Variants in SPPL2A observed in about 807,000 individuals in gnomAD.
SPPL2A encodes signal peptide peptidase-like 2A.
Under a neutral mutation model 63.8 loss-of-function variants are expected in SPPL2A, and 51 were observed. That is an observed-to-expected ratio of 0.80 (90% CI 0.64 to 1.01). SPPL2A has a LOEUF of 1.01. Among genes scored for constraint, SPPL2A ranks in the 50% least tolerant of loss-of-function variants. The pLI is 0.00. For synonymous variants in SPPL2A, 188 were observed against 205.8 expected (o/e 0.91, Z 0.74); for missense variants, 553 against 622.7 (o/e 0.89, Z 1.19).
rs201062211 is a variant in SPPL2A, at chr15:50,707,878, G to C, written c.1489-4C>G. 1.3e-6 allele frequency: 2 copies of C among 1,556,754 alleles called. No individual in the cohort carries two copies. Among genetic ancestry groups the C allele is most frequent in the East Asian group, 4.5e-5 (2 of 44,574 alleles). ...CACAATCCAAATGGTCCATCATCTA[G>C]GCATAAATAAAAGACGTTAGGAAAT... On this transcript the variant is annotated splice_polypyrimidine_tract_variant and splice_region_variant and intron_variant, in intron 14 of 14. Transcript: ENST00000261854.
intron 10 of SPPL2A, among the ~76,000 whole-genome samples, chr15:50,730,566 C>T (rs548997163): frequency 6.6e-6 from 1 of 152,076 alleles, no homozygotes; most frequent in Non-Finnish European, 1.5e-5. Flanking sequence ...GGCTAAGTAA[C>T]TTGCCTATGG....
At chr15:50,762,419 T>C (rs1299977891) in intron 1 of SPPL2A, among the ~76,000 whole-genome samples, 1 of 150,740 alleles carries the variant, frequency 6.6e-6, no homozygotes, top group African/African-American at 2.4e-5. Flanking sequence ...TATGGCAAGG[T>C]CAAGACACAG....
chr15:50,705,150 GA>G lies in SPPL2A; in HGVS notation c.*2649del, dbSNP rs2062498858. 6.6e-6 allele frequency: 1 copy of G among 152,170 alleles called. No individual in the cohort carries two copies. The highest frequency in any genetic ancestry group is 1.5e-5 in the Non-Finnish European group (1 of 68,056). 9.4% of individuals were successfully genotyped at this position (152,170 alleles called of 1,614,324 possible). A position where few individuals can be genotyped will look rare whatever the true frequency, so the allele number is the denominator to read the frequency against. ...GAGGTCAGGAGCTCAAGACCAGCCT[GA>G]CCAACAAGGTGAAACCCCGTCTCTA... On this transcript the variant is annotated 3_prime_UTR_variant, in exon 15 of 15. Transcript: ENST00000261854.
chr15:50,724,791 C>T (rs1392409459), intron 12 of SPPL2A, among the ~76,000 whole-genome samples: 5 of 152,184 alleles, frequency 3.3e-5, no homozygotes, highest in African/African-American at 4.8e-5. Flanking sequence ...ATTACGCAGT[C>T]CTACAAGCTG....
chr15:50,737,408 T>C (rs1043226440), intron 6 of SPPL2A, among the ~76,000 whole-genome samples: 3 of 152,202 alleles, frequency 2.0e-5, no homozygotes, highest in Non-Finnish European at 2.9e-5. Flanking sequence ...AATATCATTT[T>C]AGTACTCGCT....
intron 11 of SPPL2A, chr15:50,726,011 G>T: frequency 9.2e-7 from 1 of 1,087,446 alleles, no homozygotes; most frequent in Non-Finnish European, 1.2e-6. Context: ...CCCCAAAGAA[G>T]AGTCTTGTCT....
At chr15:50,759,596 A>G (rs1413157181) in intron 1 of SPPL2A, among the ~76,000 whole-genome samples, 2 of 152,126 alleles carry the variant, frequency 1.3e-5, no homozygotes, top group Non-Finnish European at 2.9e-5. Flanking sequence ...ATAAAAAATT[A>G]GCCGGGCATG....
At chr15:50,754,226 A>C (rs1183298327) in intron 1 of SPPL2A, among the ~76,000 whole-genome samples, 2 of 152,140 alleles carry the variant, frequency 1.3e-5, no homozygotes, top group South Asian at 2.1e-4. Context: ...TCAATATCCC[A>C]CAGCAGAGTG....
chr15:50,728,007 C>T (rs1345149777), intron 10 of SPPL2A, among the ~76,000 whole-genome samples: 1 of 152,178 alleles, frequency 6.6e-6, no homozygotes, highest in Non-Finnish European at 1.5e-5. Context: ...GGCTAAAAGA[C>T]ACCTTTATTT....
At chr15:50,724,053 A>G (rs1278413610) in intron 12 of SPPL2A, among the ~76,000 whole-genome samples, 1 of 152,234 alleles carries the variant, frequency 6.6e-6, no homozygotes, top group Non-Finnish European at 1.5e-5. Context: ...AAAATCAGGC[A>G]TAAGTTTAAT....
intron 1 of SPPL2A, among the ~76,000 whole-genome samples, chr15:50,764,903 AC>A (rs982617797): frequency 8.4e-5 from 11 of 130,894 alleles, no homozygotes; most frequent in African/African-American, 3.3e-4. Flanking sequence ...TGCTATTAAA[AC>A]CCCCCCTCCA....
chr15:50,735,642 C>A (rs1350442055), intron 8 of SPPL2A, among the ~76,000 whole-genome samples: 1 of 152,026 alleles, frequency 6.6e-6, no homozygotes, highest in Admixed American at 6.6e-5. Flanking sequence ...TCACTGCAAC[C>A]TCCGCTCACT....
chr15:50,731,024 G>GC lies in SPPL2A; in HGVS notation c.1029_1030insG (p.Leu344AlafsTer8), dbSNP rs1404268486. 1 of 1,481,314 alleles carries GC rather than the reference G, an allele frequency of 6.8e-7. No homozygotes were observed. The highest frequency in any genetic ancestry group is 9.4e-7 in the Non-Finnish European group (1 of 1,062,330). The allele number at this position is 1,481,314 out of a possible 1,614,324, so 91.8% of individuals were successfully genotyped here. ...ACATCATAGAGGAGGAGAAGGCCTAGAAGTATCACACATGACTGTCAAAGA... is the reference window on the plus strand; with the variant it reads ...ACATCATAGAGGAGGAGAAGGCCTAGCAAGTATCACACATGACTGTCAAAGA... On this transcript the variant is annotated frameshift_variant, in exon 10 of 15. Transcript: ENST00000261854. LOFTEE classifies it high-confidence loss of function.
intron 6 of SPPL2A, among the ~76,000 whole-genome samples, chr15:50,739,170 C>CTTTTTTT (rs71127136): frequency 3.7e-5 from 4 of 106,936 alleles, no homozygotes; most frequent in Non-Finnish European, 5.8e-5. Context: ...ACATAACGTA[C>CTTTTTTT]TTTTTTTTTT....
intron 1 of SPPL2A, among the ~76,000 whole-genome samples, chr15:50,750,107 T>C (rs568807284): frequency 3.3e-5 from 5 of 152,218 alleles, no homozygotes; most frequent in Non-Finnish European, 7.3e-5. Flanking sequence ...TCATTGTTTA[T>C]ATTATTTTCT....
In SPPL2A at chr15:50,703,356, A is replaced by ATATTTTTTTT. The variant is rs1196710672; in HGVS notation, c.*4443_*4444insAAAAAAAATA. 1.1e-4 allele frequency: 7 copies of ATATTTTTTTT among 62,042 alleles called. No homozygotes were observed. Among genetic ancestry groups the ATATTTTTTTT allele is most frequent in the East Asian group, 5.2e-4 (1 of 1,916 alleles). The allele number at this position is 62,042 out of a possible 1,614,324, so 3.8% of individuals were successfully genotyped here. ...TATATATATATATATACATATATAT[A>ATATTTTTTTT]TTTTTTTTTTTTTTTTTTTTTTTTG... On this transcript the variant is annotated 3_prime_UTR_variant, in exon 15 of 15. Coordinates refer to ENST00000261854, the MANE Select transcript of SPPL2A (RefSeq NM_032802.4).
At chr15:50,763,182 GGTAGAAGAC>G (rs1323230194) in intron 1 of SPPL2A, among the ~76,000 whole-genome samples, 1 of 152,078 alleles carries the variant, frequency 6.6e-6, no homozygotes, top group Non-Finnish European at 1.5e-5. Context: ...GGGAGAAAAT[GGTAGAAGAC>G]TTCAGACAGA....
chr15:50,748,441 T>G (rs1228749716), intron 3 of SPPL2A, among the ~76,000 whole-genome samples: 2 of 151,616 alleles, frequency 1.3e-5, no homozygotes, highest in Non-Finnish European at 2.9e-5. Context: ...GTAATACATA[T>G]ATATCTCTAT....
At chr15:50,745,127 TTATTTTTTA>T (rs1021424776) in intron 5 of SPPL2A, among the ~76,000 whole-genome samples, 4 of 152,166 alleles carry the variant, frequency 2.6e-5, no homozygotes, top group Non-Finnish European at 5.9e-5. Flanking sequence ...AATATAATTT[TTATTTTTTA>T]TGTTTTTGTA....
Sources: allele counts gnomAD v4.1 joint callset (sites outside exome capture counted in the v4.1 genomes callset), GRCh38; gene constraint gnomAD v4.1.1; transcripts MANE v1.5; gene names NCBI Gene and HGNC (gene_info 2026-07-23, HGNC 2026-07-21).